Variants in TENM2 observed in about 807,000 individuals in gnomAD.
TENM2 encodes teneurin-2.
In TENM2, 52 loss-of-function variants were observed where a neutral mutation model predicts 245.2. That is an observed-to-expected ratio of 0.21 (90% CI 0.17 to 0.27). The LOEUF is 0.27. Among genes scored for constraint, TENM2 ranks in the 10% least tolerant of loss-of-function variants. TENM2 has a pLI of 1.00. For missense variants in TENM2, 3,046 were observed against 3,666.8 expected (o/e 0.83, Z 4.37); for synonymous variants, 1,363 against 1,438.9 (o/e 0.95, Z 1.19).
At chr5:167,811,054 A>C (rs1766599406) in intron 2 of TENM2, among the ~76,000 whole-genome samples, 1 of 152,120 alleles carries the variant, frequency 6.6e-6, no homozygotes. Context: ...CAGAATTGAG[A>C]AGAATCTTAC....
intron 6 of TENM2, among the ~76,000 whole-genome samples, chr5:168,053,039 C>T (rs920003984): frequency 3.3e-5 from 5 of 152,102 alleles, no homozygotes; most frequent in African/African-American, 9.7e-5. Context: ...TGAACACAGC[C>T]CAGGGTTTTA....
chr5:167,074,316 T>C, the TENM2 span, among the ~76,000 whole-genome samples: 2 of 152,218 alleles, frequency 1.3e-5, no homozygotes, highest in Admixed American at 1.3e-4. Context: ...TCTTGATTTC[T>C]AGCTGAAGTT....
chr5:168,262,202 A>G (rs375197881), exon 29 of TENM2: 7 of 1,610,420 alleles, frequency 4.3e-6, no homozygotes, highest in Non-Finnish European at 5.9e-6. Context: ...CAAAGGCATC[A>G]TGTTTGCCAT....
chr5:167,575,701 TC>T (rs768224352), intron 2 of TENM2, among the ~76,000 whole-genome samples: 14 of 152,298 alleles, frequency 9.2e-5, no homozygotes, highest in South Asian at 2.1e-4. Context: ...ACTTAATTTT[TC>T]CTCATGGTTG....
At chr5:167,370,373 A>G (rs1760340533) in intron 1 of TENM2, among the ~76,000 whole-genome samples, 1 of 140,236 alleles carries the variant, frequency 7.1e-6, no homozygotes, top group East Asian at 2.1e-4. Flanking sequence ...AAAAAAAAAG[A>G]CGTGGAGAGG....
At chr5:167,371,354 T>C (rs1760420876) in intron 1 of TENM2, among the ~76,000 whole-genome samples, 1 of 141,760 alleles carries the variant, frequency 7.1e-6, no homozygotes, top group African/African-American at 2.6e-5. Flanking sequence ...TTTTTCTTTC[T>C]TTTCTTTTTT....
At chr5:167,768,720 T>C (rs1354730341) in intron 2 of TENM2, among the ~76,000 whole-genome samples, 1 of 152,158 alleles carries the variant, frequency 6.6e-6, no homozygotes, top group Non-Finnish European at 1.5e-5. Context: ...CCCTCTTCTA[T>C]AAAATGGGAA....
chr5:167,215,901 A>G, the TENM2 span, among the ~76,000 whole-genome samples: 1 of 152,128 alleles, frequency 6.6e-6, no homozygotes, highest in African/African-American at 2.4e-5. Flanking sequence ...AAACAGCATT[A>G]TTGATGTAAA....
intron 2 of TENM2, among the ~76,000 whole-genome samples, chr5:167,704,427 G>GT (rs1306543408): frequency 6.6e-6 from 1 of 152,078 alleles, no homozygotes; most frequent in African/African-American, 2.4e-5. Context: ...ATACAAACGC[G>GT]TAAGACCAAA....
intron 2 of TENM2, among the ~76,000 whole-genome samples, chr5:167,772,477 C>A (rs893160763): frequency 1.3e-5 from 2 of 152,056 alleles, no homozygotes; most frequent in Non-Finnish European, 2.9e-5. Flanking sequence ...TGGAAGTTAT[C>A]CCAGTGGGCA....
At chr5:167,625,569 G>GAGGTAA (rs982927173) in intron 2 of TENM2, among the ~76,000 whole-genome samples, 2 of 152,172 alleles carry the variant, frequency 1.3e-5, no homozygotes, top group Admixed American at 1.3e-4. Context: ...AACAAAGGTA[G>GAGGTAA]AGGTAAAAAC....
chr5:168,028,732 C>T (rs547742031), intron 5 of TENM2, among the ~76,000 whole-genome samples: 1 of 151,888 alleles, frequency 6.6e-6, no homozygotes, highest in African/African-American at 2.4e-5. Flanking sequence ...TATCCAACAC[C>T]CTTTTTGGGT....
At chr5:167,583,773 C>G (rs904921481) in intron 2 of TENM2, among the ~76,000 whole-genome samples, 31 of 152,192 alleles carry the variant, frequency 2.0e-4, no homozygotes, top group African/African-American at 7.2e-4. Context: ...CTCTGAGCCT[C>G]TACCTCTGCT....
At chr5:167,221,650 G>T in the TENM2 span, among the ~76,000 whole-genome samples, 1 of 152,156 alleles carries the variant, frequency 6.6e-6, no homozygotes, top group Non-Finnish European at 1.5e-5. Flanking sequence ...TTTAATTTTA[G>T]CAAGGATGCT....
At chr5:167,695,888 G>A (rs890091842) in intron 2 of TENM2, among the ~76,000 whole-genome samples, 12 of 151,954 alleles carry the variant, frequency 7.9e-5, no homozygotes, top group African/African-American at 2.7e-4. Flanking sequence ...CAAAAAATTA[G>A]CCAGGTGTTG....
chr5:167,566,671 C>T (rs1773928299), intron 2 of TENM2, among the ~76,000 whole-genome samples: 1 of 152,270 alleles, frequency 6.6e-6, no homozygotes, highest in Admixed American at 6.5e-5. Flanking sequence ...TGCTTTCAAA[C>T]GTTCCATATT....
At chr5:167,001,797 G>A in the TENM2 span, among the ~76,000 whole-genome samples, 1 of 152,020 alleles carries the variant, frequency 6.6e-6, no homozygotes, top group Non-Finnish European at 1.5e-5. Context: ...AAGCTTGTTG[G>A]TAGCTGGAAT....
At chr5:167,109,848 G>T in the TENM2 span, among the ~76,000 whole-genome samples, 1 of 152,176 alleles carries the variant, frequency 6.6e-6, no homozygotes, top group Non-Finnish European at 1.5e-5. Context: ...CTCAAGTGTG[G>T]TCCTTAGGGC....
chr5:168,173,429 G>A (rs1759036092), intron 13 of TENM2, among the ~76,000 whole-genome samples: 1 of 152,100 alleles, frequency 6.6e-6, no homozygotes, highest in African/African-American at 2.4e-5. Context: ...TTTCAGACCT[G>A]GGACCTAGAT....
Sources: allele counts gnomAD v4.1 joint callset (sites outside exome capture counted in the v4.1 genomes callset), GRCh38; gene constraint gnomAD v4.1.1; transcripts MANE v1.5; gene names NCBI Gene and HGNC (gene_info 2026-07-23, HGNC 2026-07-21).